Variants in THEMIS observed in about 807,000 individuals in gnomAD.
The protein encoded by THEMIS is thymocyte selection associated.
Under a neutral mutation model 52.6 loss-of-function variants are expected in THEMIS, and 37 were observed. That is an observed-to-expected ratio of 0.70 (90% CI 0.54 to 0.93). THEMIS has a LOEUF of 0.93. THEMIS is among the 40% of genes least tolerant of loss of function. The pLI, the probability that THEMIS is intolerant of heterozygous loss-of-function variation, is 0.00. For synonymous variants in THEMIS, 292 were observed against 272.7 expected, an observed-to-expected ratio of 1.07 and a Z score of -0.70; for missense variants, 808 against 763.1, an observed-to-expected ratio of 1.06 and a Z score of -0.69.
Position 127,736,977 on chromosome 6 carries a change from GT to G in THEMIS, c.1759-17155del, listed in dbSNP as rs377684736. Among the ~76,000 whole-genome samples the G allele has an allele frequency of 7.2e-4, 110 of 152,120 alleles. 1 individual carries two copies. In the South Asian group the frequency reaches 1.0e-2, roughly 14 times the overall value. On this transcript the variant is annotated intron_variant, in intron 4 of 5. Coordinates refer to ENST00000368248, the MANE Select transcript of THEMIS (RefSeq NM_001010923.3). ...ATAACTATTAGTTATGAGTTAAAAT[GT>G]TGTTCATTTGATGCCTGTAGTGTTT...
intron 2 of THEMIS, among the ~76,000 whole-genome samples, chr6:127,848,130 G>A (rs1779286611): frequency 7.6e-6 from 1 of 131,234 alleles, no homozygotes; most frequent in Admixed American, 9.7e-5. Context: ...GTGTCCATGT[G>A]TTCTCATTGT....
chr6:127,720,867 A>G (rs1562213442), intron 4 of THEMIS, among the ~76,000 whole-genome samples: 1 of 151,750 alleles, frequency 6.6e-6, no homozygotes, highest in Non-Finnish European at 1.5e-5. Context: ...AGTGTTCTTC[A>G]TGATTGATTT....
In THEMIS at chr6:127,877,595, G is replaced by A. The variant is rs1019481379; in HGVS notation, c.92-22407C>T. Reference sequence around the variant, plus strand: ...ATGGGGAAGAAATGGCTGGTCGAGGGAGCAGTTGGACACACAACATTTATT... The same window carrying A: ...ATGGGGAAGAAATGGCTGGTCGAGGAAGCAGTTGGACACACAACATTTATT... On this transcript the variant is annotated intron_variant, in intron 1 of 5. Coordinates refer to ENST00000368248, the MANE Select transcript of THEMIS (RefSeq NM_001010923.3). Among the ~76,000 whole-genome samples, 7 of 152,274 alleles carry A rather than the reference G, an allele frequency of 4.6e-5. No homozygotes were observed. In the South Asian group the frequency reaches 6.2e-4, roughly 14 times the overall value.
chr6:127,778,932 A>AT (rs1055983653), intron 4 of THEMIS, among the ~76,000 whole-genome samples: 1 of 151,830 alleles, frequency 6.6e-6, no homozygotes, highest in Non-Finnish European at 1.5e-5. Flanking sequence ...TATGATGCTA[A>AT]TTTTATTATA....
At chr6:127,796,407 G>A (rs1373677293) in intron 4 of THEMIS, among the ~76,000 whole-genome samples, 2 of 152,038 alleles carry the variant, frequency 1.3e-5, no homozygotes, top group Admixed American at 1.3e-4. Flanking sequence ...AAATAAAAAA[G>A]GACAAATTTA....
intron 4 of THEMIS, among the ~76,000 whole-genome samples, chr6:127,810,038 TTAAG>T: frequency 6.6e-6 from 1 of 151,818 alleles, no homozygotes; most frequent in East Asian, 1.9e-4. Flanking sequence ...CTAGGAATTA[TTAAG>T]TATCTGGAAT....
chr6:127,780,302 A>C (rs1776701200), intron 4 of THEMIS, among the ~76,000 whole-genome samples: 1 of 152,114 alleles, frequency 6.6e-6, no homozygotes, highest in Non-Finnish European at 1.5e-5. Context: ...TCTGCACAGG[A>C]GATGGGTCTC....
At chr6:127,710,244 T>C (rs745447897) in intron 5 of THEMIS, among the ~76,000 whole-genome samples, 2 of 151,882 alleles carry the variant, frequency 1.3e-5, no homozygotes, top group African/African-American at 2.4e-5. Context: ...AGGTAGGAGA[T>C]AATAGCTTAC....
rs1287836457 is a variant in THEMIS, at chr6:127,876,560, C to G, written c.92-21372G>C. On this transcript the variant is annotated intron_variant, in intron 1 of 5. Transcript: ENST00000368248. The stretch of plus-strand genomic sequence containing the variant: ...ATCTTCCAAAATTCTCAACCAGATT[C>G]TCCATGGTGAAACCCACAAATATGC... Among the ~76,000 whole-genome samples the G allele has an allele frequency of 2.0e-5, 3 of 152,132 alleles. No homozygotes were observed. The East Asian group carries it at 5.8e-4, about 29-fold the overall frequency.
chr6:127,823,067 T>C (rs1778394658), intron 3 of THEMIS, among the ~76,000 whole-genome samples: 3 of 152,168 alleles, frequency 2.0e-5, no homozygotes, highest in Admixed American at 2.0e-4. Context: ...CACACATAGA[T>C]ATTCTTTTTC....
At chr6:127,771,814 A>T (rs999497381) in intron 4 of THEMIS, among the ~76,000 whole-genome samples, 7 of 152,158 alleles carry the variant, frequency 4.6e-5, no homozygotes, top group African/African-American at 1.7e-4. Flanking sequence ...CAAAGTTATT[A>T]TATGAATAGC....
chr6:127,888,168 G>A (rs1344757118), intron 1 of THEMIS, among the ~76,000 whole-genome samples: 1 of 152,050 alleles, frequency 6.6e-6, no homozygotes, highest in Admixed American at 6.6e-5. Context: ...AGTATGGCTA[G>A]GAGGAGAAGC....
intron 4 of THEMIS, among the ~76,000 whole-genome samples, chr6:127,755,022 T>A (rs534227848): frequency 6.6e-5 from 10 of 151,944 alleles, no homozygotes; most frequent in Admixed American, 2.6e-4. Flanking sequence ...CTTTTTTTTT[T>A]AAACCCTCCT....
At chr6:127,751,524 T>C (rs1775643870) in intron 4 of THEMIS, among the ~76,000 whole-genome samples, 1 of 151,618 alleles carries the variant, frequency 6.6e-6, no homozygotes, top group African/African-American at 2.4e-5. Context: ...AATGTAGAAG[T>C]GGTGGCAATA....
At chr6:127,749,784 T>C (rs185184814) in intron 4 of THEMIS, among the ~76,000 whole-genome samples, 1 of 151,676 alleles carries the variant, frequency 6.6e-6, no homozygotes, top group East Asian at 1.9e-4. Context: ...CCTGGACATA[T>C]AGCTGAACTG....
At chr6:127,897,925 T>G (rs959369905) in intron 1 of THEMIS, among the ~76,000 whole-genome samples, 1 of 151,592 alleles carries the variant, frequency 6.6e-6, no homozygotes, top group African/African-American at 2.4e-5. Flanking sequence ...TATATTCATC[T>G]AATGGAATAA....
intron 1 of THEMIS, among the ~76,000 whole-genome samples, chr6:127,884,711 A>G (rs1435577038): frequency 6.6e-6 from 1 of 152,162 alleles, no homozygotes; most frequent in Non-Finnish European, 1.5e-5. Flanking sequence ...GTACTGCCGT[A>G]ACAAAATACC....
In THEMIS at chr6:127,869,549, G is replaced by T. The variant is rs184235256; in HGVS notation, c.92-14361C>A. ...CCATCGTAAATCAAACTACTAAGTT[G>T]GGGGCTGTCTGTATTTGCGGAGTTC... is the stretch of plus-strand genomic sequence containing the variant. On this transcript the variant is annotated intron_variant, in intron 1 of 5. Coordinates refer to ENST00000368248, the MANE Select transcript of THEMIS (RefSeq NM_001010923.3). Among the ~76,000 whole-genome samples, 47 of 152,286 alleles carry T rather than the reference G, an allele frequency of 3.1e-4. 2 individuals are homozygous for T. Among genetic ancestry groups the T allele is most frequent in the Admixed American group, 1.3e-3 (20 of 15,284 alleles).
At chr6:127,704,331 G>T (rs748351597), downstream of THEMIS, among the ~76,000 whole-genome samples, 8 of 152,124 alleles carry the variant, frequency 5.3e-5, no homozygotes, top group Non-Finnish European at 1.2e-4. Context: ...GATATGGGAG[G>T]TCAAGTCTGT....
Sources: allele counts gnomAD v4.1 joint callset (sites outside exome capture counted in the v4.1 genomes callset), GRCh38; gene constraint gnomAD v4.1.1; transcripts MANE v1.5; gene names NCBI Gene and HGNC (gene_info 2026-07-23, HGNC 2026-07-21).